The following NELL1 variants were observed in gnomAD, a reference collection of about 807,000 sequenced individuals.
NELL1 encodes protein kinase C-binding protein NELL1.
A neutral mutation model predicts 107.4 loss-of-function variants in NELL1; 76 were observed. The ratio of observed to expected loss-of-function variants is 0.71; its 90% CI spans 0.59 to 0.86. The LOEUF is 0.86. NELL1 is among the 40% of genes least tolerant of loss of function. The pLI is 0.00. For missense variants in NELL1, 1,024 were observed against 1,005.5 expected, an observed-to-expected ratio of 1.02 and a Z score of -0.25; for synonymous variants, 353 against 341.2, an observed-to-expected ratio of 1.03 and a Z score of -0.38.
chr11:21,024,252 C>A (rs1193694954), intron 12 of NELL1, among the ~76,000 whole-genome samples: 1 of 152,044 alleles, frequency 6.6e-6, no homozygotes, highest in African/African-American at 2.4e-5. Context: ...TTAGAAAATA[C>A]CTTCTACATT....
intron 4 of NELL1, among the ~76,000 whole-genome samples, chr11:20,873,928 T>C (rs888533179): frequency 6.6e-6 from 1 of 152,100 alleles, no homozygotes; most frequent in African/African-American, 2.4e-5. Flanking sequence ...CATGCCCAGC[T>C]AACTTTTTTA....
intron 15 of NELL1, among the ~76,000 whole-genome samples, chr11:21,425,625 AC>A (rs1199939655): frequency 6.6e-6 from 1 of 152,096 alleles, no homozygotes; most frequent in African/African-American, 2.4e-5. Flanking sequence ...AAGCAAGGAA[AC>A]CAATTGTGCT....
chr11:21,394,723 C>A (rs191582079), intron 15 of NELL1, among the ~76,000 whole-genome samples: 1 of 151,548 alleles, frequency 6.6e-6, no homozygotes, highest in East Asian at 2.0e-4. Context: ...TAATGTCAGT[C>A]TCTACTAGTG....
intron 15 of NELL1, among the ~76,000 whole-genome samples, chr11:21,494,062 G>A (rs185252141): frequency 6.6e-6 from 1 of 151,920 alleles, no homozygotes; most frequent in East Asian, 1.9e-4. Context: ...ATTTTCAGGT[G>A]TGTGATATTG....
chr11:21,297,057 T>G (rs1008044121), intron 14 of NELL1, among the ~76,000 whole-genome samples: 4 of 151,702 alleles, frequency 2.6e-5, no homozygotes, highest in African/African-American at 9.7e-5. Flanking sequence ...TAATTATATT[T>G]GGAATTTATT....
chr11:20,875,697 A>T (rs1481354460), intron 4 of NELL1, among the ~76,000 whole-genome samples: 1 of 152,268 alleles, frequency 6.6e-6, no homozygotes, highest in African/African-American at 2.4e-5. Flanking sequence ...ACCCTGGTAC[A>T]TAATCACAAT....
At chr11:20,826,095 A>G (rs1181655938) in intron 3 of NELL1, among the ~76,000 whole-genome samples, 3 of 151,198 alleles carry the variant, frequency 2.0e-5, no homozygotes, top group Non-Finnish European at 4.4e-5. Flanking sequence ...TGCTTTTTCC[A>G]TCATGATCAT....
intron 12 of NELL1, among the ~76,000 whole-genome samples, chr11:21,048,810 T>A (rs1565032646): frequency 6.6e-6 from 1 of 152,152 alleles, no homozygotes; most frequent in Non-Finnish European, 1.5e-5. Flanking sequence ...ATTGTCCTGT[T>A]ATGCCATGGC....
At chr11:21,456,621 A>G (rs914791624) in intron 15 of NELL1, among the ~76,000 whole-genome samples, 3 of 152,106 alleles carry the variant, frequency 2.0e-5, no homozygotes, top group Admixed American at 6.6e-5. Flanking sequence ...TATAATTTCT[A>G]ACATTCATCT....
intron 14 of NELL1, among the ~76,000 whole-genome samples, chr11:21,301,230 C>T (rs916921247): frequency 6.6e-6 from 1 of 152,026 alleles, no homozygotes; most frequent in Non-Finnish European, 1.5e-5. Context: ...TTTATAGCAG[C>T]ATGATTTATA....
intron 12 of NELL1, among the ~76,000 whole-genome samples, chr11:20,965,980 T>C (rs2134222106): frequency 6.6e-6 from 1 of 152,322 alleles, no homozygotes; most frequent in East Asian, 1.9e-4. Flanking sequence ...TTTAGGTAAC[T>C]TCTTTTACAT....
chr11:20,992,800 C>T (rs1852005698), intron 12 of NELL1, among the ~76,000 whole-genome samples: 1 of 149,268 alleles, frequency 6.7e-6, no homozygotes. Context: ...CTGCAACCTC[C>T]ACCTCCTGGG....
At chr11:21,030,622 A>ATTTTTTTTTTTTTTTT (rs201033870) in intron 12 of NELL1, among the ~76,000 whole-genome samples, 5 of 120,122 alleles carry the variant, frequency 4.2e-5, no homozygotes, top group Admixed American at 8.4e-5. Flanking sequence ...ATTTTCTTGT[A>ATTTTTTTTTTTTTTTT]TTTTTTTTTT....
chr11:21,193,370 G>T (rs1366386583), intron 13 of NELL1, among the ~76,000 whole-genome samples: 1 of 151,764 alleles, frequency 6.6e-6, no homozygotes, highest in African/African-American at 2.4e-5. Flanking sequence ...TGGAAACTGG[G>T]TAATTTTTCA....
chr11:21,282,532 G>A lies in NELL1; in HGVS notation c.1549+53078G>A, dbSNP rs113436657. Among the ~76,000 whole-genome samples the A allele has an allele frequency of 5.4e-3, 820 of 150,950 alleles. 11 individuals carry two copies. Among genetic ancestry groups the A allele is most frequent in the African/African-American group, 0.018 (754 of 41,066 alleles). ...TGCAAAAGATCAGCAATAAGATGCCGGCAAGGGTGTAGAGAAAAGGGAACA... is the reference window on the plus strand; with the variant it reads ...TGCAAAAGATCAGCAATAAGATGCCAGCAAGGGTGTAGAGAAAAGGGAACA... On this transcript the variant is annotated intron_variant, in intron 14 of 19. Transcript: ENST00000357134.
chr11:20,980,723 T>A (rs1238343184), intron 12 of NELL1, among the ~76,000 whole-genome samples: 1 of 152,236 alleles, frequency 6.6e-6, no homozygotes, highest in Non-Finnish European at 1.5e-5. Flanking sequence ...GCTTTGCTAA[T>A]GCCCTACCCC....
Position 20,925,483 on chromosome 11 carries a change from G to A in NELL1, c.760-1825G>A, listed in dbSNP as rs773362864. Among the ~76,000 whole-genome samples, 11 of 140,928 alleles carry A rather than the reference G, an allele frequency of 7.8e-5. No individual in the cohort carries two copies. The East Asian group carries it at 1.1e-3, about 14-fold the overall frequency. 92.5% of individuals were successfully genotyped at this position (140,928 alleles called of 152,430 possible). A position where few individuals can be genotyped will look rare whatever the true frequency, so the allele number is the denominator to read the frequency against. On this transcript the variant is annotated intron_variant, in intron 7 of 19. Coordinates refer to ENST00000357134, the MANE Select transcript of NELL1 (RefSeq NM_006157.5). Reference sequence around the variant, plus strand: ...GTATTTGTAGTGGAGACAGGGTTTCGCCATGTTGGCTGGGTTGGTCTCAAA... The same window carrying A: ...GTATTTGTAGTGGAGACAGGGTTTCACCATGTTGGCTGGGTTGGTCTCAAA...
chr11:20,695,639 A>G (rs35230659), intron 2 of NELL1, among the ~76,000 whole-genome samples: 13,755 of 152,082 alleles, frequency 0.09, 825 homozygotes, highest in Non-Finnish European at 0.13. Flanking sequence ...ATCATGATGA[A>G]TTAACTTTTT....
intron 2 of NELL1, among the ~76,000 whole-genome samples, chr11:20,681,124 T>C (rs947714161): frequency 3.3e-5 from 5 of 152,166 alleles, no homozygotes; most frequent in African/African-American, 9.7e-5. Context: ...TAGAGCAGGC[T>C]TTCCTGATAG....
Sources: gnomAD v4.1 joint callset for allele counts (sites outside exome capture counted in the v4.1 genomes callset) on GRCh38, gnomAD v4.1.1 for gene constraint, MANE v1.5 for transcripts, NCBI Gene and HGNC (gene_info 2026-07-23, HGNC 2026-07-21) for gene names.